The following PRKN variants were observed in gnomAD, a reference collection of about 807,000 sequenced individuals.
PRKN encodes the protein parkin RBR E3 ubiquitin protein ligase.
Under a neutral mutation model 59.5 loss-of-function variants are expected in PRKN, and 56 were observed. The ratio of observed to expected loss-of-function variants is 0.94; its 90% CI spans 0.76 to 1.18. PRKN has a LOEUF of 1.18. Among genes scored for constraint, PRKN ranks in the 50% most tolerant of loss-of-function variants. PRKN has a pLI of 0.00. For synonymous variants in PRKN, 250 were observed against 222.1 expected, an observed-to-expected ratio of 1.13 and a Z score of -1.12; for missense variants, 657 against 596.4, an observed-to-expected ratio of 1.10 and a Z score of -1.06.
At chr6:161,959,855 A>C (rs1780315532) in intron 6 of PRKN, among the ~76,000 whole-genome samples, 2 of 152,296 alleles carry the variant, frequency 1.3e-5, no homozygotes, top group South Asian at 4.1e-4. Flanking sequence ...GAATTAACCA[A>C]ATTTAGGAAA....
At chr6:161,426,940 C>G (rs1347513817) in intron 9 of PRKN, among the ~76,000 whole-genome samples, 2 of 151,994 alleles carry the variant, frequency 1.3e-5, no homozygotes, top group Admixed American at 1.3e-4. Flanking sequence ...AGGATGGTCT[C>G]GATCTCCTGA....
chr6:162,665,383 C>T (rs548452410), intron 1 of PRKN, among the ~76,000 whole-genome samples: 24 of 151,914 alleles, frequency 1.6e-4, no homozygotes, highest in Non-Finnish European at 3.2e-4. Context: ...TTCCTTTATA[C>T]TGACAACAGG....
chr6:162,497,272 A>G (rs1793108739), intron 1 of PRKN, among the ~76,000 whole-genome samples: 1 of 152,204 alleles, frequency 6.6e-6, no homozygotes, highest in Admixed American at 6.5e-5. Context: ...CAGTGAATTT[A>G]AACTTGGCAA....
chr6:162,224,961 AG>A (rs1240996261), intron 3 of PRKN, among the ~76,000 whole-genome samples: 1 of 152,134 alleles, frequency 6.6e-6, no homozygotes, highest in Non-Finnish European at 1.5e-5. Context: ...TGGGAGAGAC[AG>A]GCCTGTTGTC....
chr6:161,844,210 G>A lies in PRKN; in HGVS notation c.735-58302C>T, dbSNP rs564397273. ...AATATTAAACTTTTAAAGACTAAAA[G>A]ATCTTTCAAAATATATTCCTCGCTT... On this transcript the variant is annotated intron_variant, in intron 6 of 11. Coordinates refer to ENST00000366898, the MANE Select transcript of PRKN (RefSeq NM_004562.3). Among the ~76,000 whole-genome samples, 26 of 152,234 alleles carry A rather than the reference G, an allele frequency of 1.7e-4. No homozygotes were observed. In the South Asian group the frequency reaches 4.1e-3, roughly 24 times the overall value.
At chr6:162,335,988 C>T (rs1783826581) in intron 2 of PRKN, among the ~76,000 whole-genome samples, 1 of 151,546 alleles carries the variant, frequency 6.6e-6, no homozygotes, top group African/African-American at 2.4e-5. Flanking sequence ...CACACCTTGG[C>T]TTTCTCTGAG....
At chr6:162,458,644 CT>C (rs71670667) in intron 1 of PRKN, among the ~76,000 whole-genome samples, 58,993 of 137,254 alleles carry the variant, frequency 0.43, 12,279 homozygotes, top group East Asian at 0.55. Flanking sequence ...TTTTTGTTGC[CT>C]TTTTTTTTTT....
intron 2 of PRKN, among the ~76,000 whole-genome samples, chr6:162,433,131 A>G (rs895787881): frequency 1.3e-5 from 2 of 152,200 alleles, no homozygotes; most frequent in African/African-American, 4.8e-5. Flanking sequence ...TAAAATGTTT[A>G]TATTTTCTTT....
intron 5 of PRKN, among the ~76,000 whole-genome samples, chr6:162,010,307 A>T (rs1179858807): frequency 1.6e-5 from 2 of 123,336 alleles, no homozygotes; most frequent in Non-Finnish European, 3.2e-5. Context: ...TATTTATTAT[A>T]TATATTTTAT....
intron 1 of PRKN, among the ~76,000 whole-genome samples, chr6:162,534,066 T>C (rs887748730): frequency 6.6e-6 from 1 of 152,074 alleles, no homozygotes; most frequent in African/African-American, 2.4e-5. Flanking sequence ...TCCCAGATGT[T>C]AGTCATACAT....
chr6:162,429,858 A>C (rs573585795), intron 2 of PRKN, among the ~76,000 whole-genome samples: 123 of 152,278 alleles, frequency 8.1e-4, no homozygotes, highest in African/African-American at 2.9e-3. Flanking sequence ...CCCGAAGATT[A>C]TGTGCAAAGC....
intron 5 of PRKN, among the ~76,000 whole-genome samples, chr6:162,030,231 T>C (rs917348243): frequency 2.6e-5 from 4 of 152,158 alleles, no homozygotes; most frequent in Non-Finnish European, 4.4e-5. Context: ...CAACTAATAA[T>C]GCCACTTTCT....
At chr6:162,269,618 CT>C (rs1780286861) in intron 2 of PRKN, 1 of 152,216 alleles carries the variant, frequency 6.6e-6, no homozygotes, top group African/African-American at 2.4e-5. Context: ...TACTGTACCA[CT>C]GTCTATGGTC....
intron 5 of PRKN, among the ~76,000 whole-genome samples, chr6:161,988,178 A>C (rs1183395463): frequency 1.3e-5 from 2 of 152,172 alleles, no homozygotes; most frequent in Non-Finnish European, 2.9e-5. Flanking sequence ...AAAGGGGAAA[A>C]AAAATTTTTT....
At chr6:162,637,521 C>A (rs943575644) in intron 1 of PRKN, among the ~76,000 whole-genome samples, 1 of 152,098 alleles carries the variant, frequency 6.6e-6, no homozygotes, top group Non-Finnish European at 1.5e-5. Context: ...TCAGCCAGTA[C>A]GGAAGCAGGG....
At chr6:161,995,845 G>C (rs1220144189) in intron 5 of PRKN, among the ~76,000 whole-genome samples, 1 of 151,980 alleles carries the variant, frequency 6.6e-6, no homozygotes, top group East Asian at 1.9e-4. Flanking sequence ...CAGTATGCAG[G>C]CATCTCCAAA....
At position 162,263,432 on chromosome 6, in the gene PRKN, A is replaced by G. The variant is rs367773887; in HGVS notation, c.172-667T>C. On this transcript the variant is annotated intron_variant, in intron 2 of 11. Transcript: ENST00000366898. ...CACGGGCACCAACACACACATCATTACACTGGTGGGGAAGCAAGACAGGAG... is the reference window on the plus strand; with the variant it reads ...CACGGGCACCAACACACACATCATTGCACTGGTGGGGAAGCAAGACAGGAG... Among the ~76,000 whole-genome samples, 19 of 152,284 alleles carry G rather than the reference A, an allele frequency of 1.2e-4. No homozygotes were observed. In the East Asian group the frequency reaches 1.9e-3, roughly 15 times the overall value.
intron 2 of PRKN, among the ~76,000 whole-genome samples, chr6:162,312,993 A>G (rs911415337): frequency 1.3e-5 from 2 of 152,188 alleles, no homozygotes; most frequent in African/African-American, 4.8e-5. Context: ...TCACATATAT[A>G]CCTTAAAAAT....
chr6:162,579,416 GCACACA>G (rs35480393), intron 1 of PRKN, among the ~76,000 whole-genome samples: 1 of 149,982 alleles, frequency 6.7e-6, no homozygotes, highest in African/African-American at 2.4e-5. Flanking sequence ...ACAAGTTCAT[GCACACA>G]CACACACACA....
Sources: gnomAD v4.1 joint callset for allele counts (sites outside exome capture counted in the v4.1 genomes callset) on GRCh38, gnomAD v4.1.1 for gene constraint, MANE v1.5 for transcripts, NCBI Gene and HGNC (gene_info 2026-07-23, HGNC 2026-07-21) for gene names.